FOXP1: variants seen among roughly 807,000 people sequenced by gnomAD.
FOXP1 encodes forkhead box protein P1.
Under a neutral mutation model 98.2 loss-of-function variants are expected in FOXP1, and 15 were observed. The ratio of observed to expected loss-of-function variants is 0.15; its 90% CI spans 0.10 to 0.24. FOXP1 has a LOEUF of 0.24. Ranked by LOEUF, FOXP1 falls within the 10% of genes least tolerant of loss-of-function variation. The probability of loss-of-function intolerance (pLI) is 1.00; values close to 1 mark genes in which losing one functional copy is unlikely to be tolerated. For missense variants in FOXP1, 633 were observed against 848.5 expected (o/e 0.75, Z 3.15); for synonymous variants, 371 against 314.5 (o/e 1.18, Z -1.90).
chr3:71,550,983 G>A (rs772476297), intron 2 of FOXP1, among the ~76,000 whole-genome samples: 1 of 152,220 alleles, frequency 6.6e-6, no homozygotes, highest in Middle Eastern at 3.4e-3. Context: ...TTTCACTTAG[G>A]AGACAAATTA....
chr3:71,462,007 C>T (rs773655590), intron 3 of FOXP1, among the ~76,000 whole-genome samples: 28 of 152,158 alleles, frequency 1.8e-4, no homozygotes, highest in Non-Finnish European at 3.4e-4. Context: ...TACCTGAATG[C>T]TAACAAGGAC....
At chr3:71,575,889 G>A (rs1399886042) in intron 2 of FOXP1, among the ~76,000 whole-genome samples, 1 of 152,228 alleles carries the variant, frequency 6.6e-6, no homozygotes, top group African/African-American at 2.4e-5. Flanking sequence ...CGGAAATTCA[G>A]TTTGATGCTA....
chr3:71,404,166 T>C (rs2082150679), intron 3 of FOXP1, among the ~76,000 whole-genome samples: 1 of 146,162 alleles, frequency 6.8e-6, no homozygotes, highest in Non-Finnish European at 1.5e-5. Flanking sequence ...TCGCTCTTGT[T>C]GCCCAGGCTG....
At chr3:71,220,289 T>C (rs985274039) in intron 5 of FOXP1, among the ~76,000 whole-genome samples, 1 of 152,194 alleles carries the variant, frequency 6.6e-6, no homozygotes, top group Non-Finnish European at 1.5e-5. Context: ...GGTAACTGAT[T>C]ATAGGAACTG....
chr3:71,301,946 A>G (rs1290712248), intron 4 of FOXP1, among the ~76,000 whole-genome samples: 1 of 152,192 alleles, frequency 6.6e-6, no homozygotes, highest in Non-Finnish European at 1.5e-5. Flanking sequence ...TTACAACAAA[A>G]TTATACAACT....
chr3:71,453,904 C>T (rs969809273), intron 3 of FOXP1, among the ~76,000 whole-genome samples: 4 of 152,150 alleles, frequency 2.6e-5, no homozygotes, highest in Admixed American at 6.5e-5. Flanking sequence ...ATCTTACAAA[C>T]GCATTATGAA....
chr3:71,310,192 A>G (rs1683393522), intron 4 of FOXP1, among the ~76,000 whole-genome samples: 1 of 152,202 alleles, frequency 6.6e-6, no homozygotes, highest in African/African-American at 2.4e-5. Context: ...GGTACATGAA[A>G]CCAGCAACTC....
At chr3:71,462,485 T>A (rs1577649402) in intron 3 of FOXP1, among the ~76,000 whole-genome samples, 1 of 152,322 alleles carries the variant, frequency 6.6e-6, no homozygotes, top group Admixed American at 6.5e-5. Context: ...GTATCCATGA[T>A]GGGCCAACTA....
intron 6 of FOXP1, chr3:71,130,460 C>T (rs1252488212): frequency 6.3e-7 from 1 of 1,590,642 alleles, no homozygotes. Flanking sequence ...AAAAGTTTAA[C>T]CCAGCAAAAA....
chr3:70,967,692 T>TG (rs1354031824), intron 19 of FOXP1, among the ~76,000 whole-genome samples: 3 of 120,034 alleles, frequency 2.5e-5, no homozygotes, highest in Admixed American at 8.1e-5. Context: ...TATTTGTTTT[T>TG]TTTTTTTGTT....
intron 3 of FOXP1, among the ~76,000 whole-genome samples, chr3:71,482,262 A>G (rs2090332564): frequency 6.6e-6 from 1 of 151,972 alleles, no homozygotes; most frequent in South Asian, 2.1e-4. Context: ...TCACATTTTT[A>G]TTAATGTCAT....
At chr3:71,413,772 G>T (rs568144160) in intron 3 of FOXP1, among the ~76,000 whole-genome samples, 1 of 151,992 alleles carries the variant, frequency 6.6e-6, no homozygotes. Context: ...ATGGGTGTGT[G>T]TGCTTACATA....
chr3:71,003,752 C>T (rs1222217893), intron 12 of FOXP1, among the ~76,000 whole-genome samples: 1 of 152,140 alleles, frequency 6.6e-6, no homozygotes, highest in East Asian at 1.9e-4. Context: ...TTTGAAAATG[C>T]TTATGCAGGA....
intron 2 of FOXP1, among the ~76,000 whole-genome samples, chr3:71,524,882 G>T (rs563855847): frequency 1.8e-4 from 27 of 152,270 alleles, no homozygotes; most frequent in Admixed American, 2.0e-4. Context: ...AGGGTCAAAG[G>T]GAGTATTAAC....
intron 7 of FOXP1, among the ~76,000 whole-genome samples, chr3:71,054,748 A>G (rs1050839078): frequency 1.3e-5 from 2 of 152,170 alleles, no homozygotes. Context: ...CCCCGCCCCA[A>G]ATAAAAAGAT....
At chr3:71,047,847 A>C (rs2049240315) in intron 9 of FOXP1, among the ~76,000 whole-genome samples, 1 of 152,214 alleles carries the variant, frequency 6.6e-6, no homozygotes, top group African/African-American at 2.4e-5. Flanking sequence ...GCTTTACGAT[A>C]TGATAAATAT....
At chr3:71,278,470 G>T (rs1452948690) in intron 5 of FOXP1, among the ~76,000 whole-genome samples, 1 of 152,138 alleles carries the variant, frequency 6.6e-6, no homozygotes, top group Non-Finnish European at 1.5e-5. Flanking sequence ...GCCGGTCTCA[G>T]GAAAGCAGCA....
chr3:71,401,357 A>C (rs1200216889), intron 3 of FOXP1, among the ~76,000 whole-genome samples: 1 of 152,200 alleles, frequency 6.6e-6, no homozygotes, highest in African/African-American at 2.4e-5. Flanking sequence ...AGAGAGAGAG[A>C]GAGGCAGCTG....
chr3:71,536,843 G>A (rs1395134912), intron 2 of FOXP1, among the ~76,000 whole-genome samples: 2 of 152,118 alleles, frequency 1.3e-5, no homozygotes, highest in South Asian at 2.1e-4. Context: ...ACAGAGTGTG[G>A]TGGGAGAAGA....
Sources: allele counts gnomAD v4.1 joint callset (sites outside exome capture counted in the v4.1 genomes callset), GRCh38; gene constraint gnomAD v4.1.1; transcripts MANE v1.5; gene names NCBI Gene and HGNC (gene_info 2026-07-23, HGNC 2026-07-21).